TASP1: variants seen among roughly 807,000 people sequenced by gnomAD.
The protein encoded by TASP1 is threonine aspartase 1.
Under a neutral mutation model 56.6 loss-of-function variants are expected in TASP1, and 16 were observed. The observed-to-expected ratio is 0.28, with a 90% CI of 0.19 to 0.43. TASP1 has a LOEUF of 0.43. Among genes scored for constraint, TASP1 ranks in the 20% least tolerant of loss-of-function variants. TASP1 has a pLI of 1.00. For missense variants in TASP1, 393 were observed against 511.6 expected, an observed-to-expected ratio of 0.77 and a Z score of 2.24; for synonymous variants, 179 against 184.2, an observed-to-expected ratio of 0.97 and a Z score of 0.23.
intron 11 of TASP1, among the ~76,000 whole-genome samples, chr20:13,470,548 T>C (rs1203593497): frequency 7.2e-5 from 11 of 152,226 alleles, no homozygotes; most frequent in Admixed American, 2.0e-4. Flanking sequence ...ATGTATCTTA[T>C]GTCACAAGGA....
intron 13 of TASP1, among the ~76,000 whole-genome samples, chr20:13,399,058 AG>A (rs1343957694): frequency 1.3e-5 from 2 of 152,210 alleles, no homozygotes; most frequent in South Asian, 2.1e-4. Flanking sequence ...CACAAGGCCC[AG>A]CAGCAGCATC....
At chr20:13,315,759 C>T in the TASP1 span, among the ~76,000 whole-genome samples, 1 of 151,900 alleles carries the variant, frequency 6.6e-6, no homozygotes, top group Non-Finnish European at 1.5e-5. Flanking sequence ...CCATAAAATA[C>T]ACCTTAAAAA....
the TASP1 span, among the ~76,000 whole-genome samples, chr20:13,369,606 A>G: frequency 1.5e-4 from 23 of 152,212 alleles, no homozygotes; most frequent in Admixed American, 2.0e-4. Context: ...AACTCTCAGT[A>G]ATTTTTCATG....
intron 13 of TASP1, among the ~76,000 whole-genome samples, chr20:13,410,551 T>C (rs1433506517): frequency 6.6e-6 from 1 of 152,172 alleles, no homozygotes; most frequent in Non-Finnish European, 1.5e-5. Flanking sequence ...TCTCACTGTG[T>C]TTATGATTTG....
At chr20:13,564,911 CAGG>C (rs923662167) in intron 7 of TASP1, among the ~76,000 whole-genome samples, 7 of 150,144 alleles carry the variant, frequency 4.7e-5, no homozygotes, top group Non-Finnish European at 1.0e-4. Context: ...GAGGCTGTGG[CAGG>C]AGAATTGTTT....
chr20:13,348,545 C>T, the TASP1 span, among the ~76,000 whole-genome samples: 1 of 152,164 alleles, frequency 6.6e-6, no homozygotes, highest in African/African-American at 2.4e-5. Context: ...AGAGACCTAG[C>T]CTAGTGGATT....
chr20:13,336,984 C>T, the TASP1 span, among the ~76,000 whole-genome samples: 1 of 152,192 alleles, frequency 6.6e-6, no homozygotes, highest in South Asian at 2.1e-4. Flanking sequence ...TGAAATAAAA[C>T]AGTTTCAGAT....
intron 8 of TASP1, among the ~76,000 whole-genome samples, chr20:13,550,576 A>G (rs771322649): frequency 3.3e-5 from 5 of 152,234 alleles, no homozygotes; most frequent in Non-Finnish European, 5.9e-5. Context: ...TATGTAAAAG[A>G]TAAGTCAAAG....
chr20:13,394,544 G>A lies in TASP1; in HGVS notation c.1171-4092C>T, dbSNP rs554689900. Among the ~76,000 whole-genome samples the A allele has an allele frequency of 7.2e-5, 11 of 152,068 alleles. No individual in the cohort carries two copies. The East Asian group carries it at 9.7e-4, about 13-fold the overall frequency. ...GGAGAATGGTGTGAACCCTGGAGGC[G>A]GAGCTTGCAGTAAGCCAAGATCGCG... On this transcript the variant is annotated intron_variant, in intron 13 of 13. Transcript: ENST00000337743.
intron 13 of TASP1, chr20:13,393,498 T>A: frequency 2.6e-6 from 2 of 783,966 alleles, no homozygotes; most frequent in Non-Finnish European, 4.5e-6. Flanking sequence ...CATCCTGGAC[T>A]ACACTGAGCA....
chr20:13,243,631 C>CT, the TASP1 span, among the ~76,000 whole-genome samples: 37,558 of 151,856 alleles, frequency 0.25, 4,720 homozygotes, highest in African/African-American at 0.3. Context: ...CATCCCCTCA[C>CT]TTTTCAAATA....
At position 13,390,129 on chromosome 20, in the gene TASP1, T is replaced by C. The variant is rs2041216777; in HGVS notation, c.*231A>G. 2 of 465,970 alleles carry C rather than the reference T, an allele frequency of 4.3e-6. No individual in the cohort carries two copies. Among genetic ancestry groups the C allele is most frequent in the South Asian group, 4.6e-5 (2 of 43,108 alleles). 28.9% of individuals were successfully genotyped at this position (465,970 alleles called of 1,614,324 possible). A position where few individuals can be genotyped will look rare whatever the true frequency, so the allele number is the denominator to read the frequency against. On this transcript the variant is annotated 3_prime_UTR_variant, in exon 14 of 14. Coordinates refer to ENST00000337743, the MANE Select transcript of TASP1 (RefSeq NM_017714.3). Reference sequence around the variant, plus strand: ...GAAGCAAACACACATACTCCACACATACACATATGTGCGCACATACGCGCA... The same window carrying C: ...GAAGCAAACACACATACTCCACACACACACATATGTGCGCACATACGCGCA...
At chr20:13,339,274 G>GC in the TASP1 span, among the ~76,000 whole-genome samples, 1 of 152,128 alleles carries the variant, frequency 6.6e-6, no homozygotes, top group Non-Finnish European at 1.5e-5. Flanking sequence ...TGTTTCACAG[G>GC]CAAGCTTTCT....
At chr20:13,432,740 T>C (rs751783447) in intron 12 of TASP1, among the ~76,000 whole-genome samples, 6 of 152,164 alleles carry the variant, frequency 3.9e-5, no homozygotes, top group Non-Finnish European at 8.8e-5. Flanking sequence ...ATAAAAACTA[T>C]ATAACGTGAG....
chr20:13,202,954 T>C, the TASP1 span, among the ~76,000 whole-genome samples: 1 of 152,244 alleles, frequency 6.6e-6, no homozygotes, highest in Non-Finnish European at 1.5e-5. Flanking sequence ...AAGCAGAACT[T>C]AACATATGTA....
At chr20:13,148,163 G>C in the TASP1 span, among the ~76,000 whole-genome samples, 637 of 152,204 alleles carry the variant, frequency 4.2e-3, 4 homozygotes, top group African/African-American at 0.014. Flanking sequence ...ACATATTTTT[G>C]GAAATGCCAC....
intron 10 of TASP1, among the ~76,000 whole-genome samples, chr20:13,488,398 C>CA (rs2043403772): frequency 6.6e-6 from 1 of 151,994 alleles, no homozygotes; most frequent in Admixed American, 6.6e-5. Flanking sequence ...AGCCGCAAGA[C>CA]TAATATCTTA....
the TASP1 span, among the ~76,000 whole-genome samples, chr20:13,329,217 C>G: frequency 1.3e-5 from 2 of 152,090 alleles, no homozygotes; most frequent in African/African-American, 4.8e-5. Flanking sequence ...ATCCTAACTC[C>G]CAGTACTTCA....
At chr20:13,606,171 T>C (rs2048143976) in intron 4 of TASP1, among the ~76,000 whole-genome samples, 2 of 152,020 alleles carry the variant, frequency 1.3e-5, no homozygotes, top group Non-Finnish European at 2.9e-5. Flanking sequence ...GCATTACATG[T>C]ATGTATAAAT....
Sources: allele counts gnomAD v4.1 joint callset (sites outside exome capture counted in the v4.1 genomes callset), GRCh38; gene constraint gnomAD v4.1.1; transcripts MANE v1.5; gene names NCBI Gene and HGNC (gene_info 2026-07-23, HGNC 2026-07-21).